The following IFT25 variants were observed in gnomAD, a reference collection of about 807,000 sequenced individuals.
IFT25 encodes intraflagellar transport 25.
chr1:53,922,615 T>C, the IFT25 span, among the ~76,000 whole-genome samples: 1 of 151,906 alleles, frequency 6.6e-6, no homozygotes, highest in Non-Finnish European at 1.5e-5. Flanking sequence ...TCTTAGAAAG[T>C]AAGAAAAAAG....
chr1:53,939,941 T>C, the IFT25 span: 1 of 1,083,752 alleles, frequency 9.2e-7, no homozygotes, highest in East Asian at 2.4e-5. Context: ...CTCAAGGGAT[T>C]CACCGATTTA....
the IFT25 span, among the ~76,000 whole-genome samples, chr1:53,935,625 AACT>A: frequency 2.0e-5 from 3 of 149,828 alleles, no homozygotes; most frequent in Non-Finnish European, 4.4e-5. Context: ...AAAAGGCCAG[AACT>A]ACTTTTTTTT....
the IFT25 span, among the ~76,000 whole-genome samples, chr1:53,943,404 C>T: frequency 4.6e-5 from 7 of 152,256 alleles, no homozygotes; most frequent in South Asian, 1.5e-3. Context: ...CAGTGGTTCT[C>T]AACTGGACTG....
the IFT25 span, chr1:53,929,657 A>C: frequency 6.3e-6 from 1 of 158,692 alleles, no homozygotes; most frequent in Non-Finnish European, 1.4e-5. Flanking sequence ...TTGACAAATA[A>C]CTCCAGGACA....
the IFT25 span, chr1:53,940,224 G>C: frequency 1.7e-6 from 1 of 594,350 alleles, no homozygotes. Context: ...CAACATGTGG[G>C]AGGGACTCTA....
At chr1:53,913,693 A>G in the IFT25 span, among the ~76,000 whole-genome samples, 330 of 152,310 alleles carry the variant, frequency 2.2e-3, 2 homozygotes, top group Middle Eastern at 0.01. Flanking sequence ...GCATATGTTG[A>G]AGATTTAACC....
At chr1:53,916,771 C>T in the IFT25 span, 1 of 388,582 alleles carries the variant, frequency 2.6e-6, no homozygotes, top group East Asian at 3.6e-5. Context: ...TTATGAATGA[C>T]TACTCACCTT....
the IFT25 span, among the ~76,000 whole-genome samples, chr1:53,922,072 C>G: frequency 6.6e-6 from 1 of 152,174 alleles, no homozygotes; most frequent in South Asian, 2.1e-4. Flanking sequence ...GGATTACAGG[C>G]ATGAGCTACC....
chr1:53,925,379 G>A, the IFT25 span, among the ~76,000 whole-genome samples: 8 of 151,550 alleles, frequency 5.3e-5, no homozygotes, highest in South Asian at 4.2e-4. Context: ...GAAAAATATC[G>A]GCTGGGCATG....
At chr1:53,924,922 C>T in the IFT25 span, among the ~76,000 whole-genome samples, 8 of 152,254 alleles carry the variant, frequency 5.3e-5, no homozygotes, top group South Asian at 2.1e-4. Flanking sequence ...GTAAAAGCCC[C>T]GTAGTATTAA....
the IFT25 span, among the ~76,000 whole-genome samples, chr1:53,936,642 A>T: frequency 6.6e-5 from 10 of 152,260 alleles, no homozygotes; most frequent in African/African-American, 2.2e-4. Context: ...TCAGTAACTG[A>T]GGCTCAAAGA....
the IFT25 span, among the ~76,000 whole-genome samples, chr1:53,932,077 C>T: frequency 3.3e-3 from 496 of 152,278 alleles, 1 homozygote; most frequent in African/African-American, 0.011. Flanking sequence ...TAAGGCCAGG[C>T]ATGGTGGCTC....
chr1:53,939,408 A>AG, the IFT25 span, among the ~76,000 whole-genome samples: 7 of 151,140 alleles, frequency 4.6e-5, no homozygotes, highest in African/African-American at 1.7e-4. Flanking sequence ...AAAAAAAAAA[A>AG]GGAGTCCTCC....
At chr1:53,921,660 A>C in the IFT25 span, 1 of 1,588,474 alleles carries the variant, frequency 6.3e-7, no homozygotes, top group Non-Finnish European at 8.6e-7. Flanking sequence ...ATTATGAGGA[A>C]AGATTTGAGA....
chr1:53,939,007 G>A, the IFT25 span, among the ~76,000 whole-genome samples: 1 of 145,846 alleles, frequency 6.9e-6, no homozygotes, highest in Non-Finnish European at 1.5e-5. Context: ...CTGGGAGGCA[G>A]AGGTTTTGGT....
chr1:53,945,442 T>C, the IFT25 span: 87 of 151,732 alleles, frequency 5.7e-4, 1 homozygote, highest in Admixed American at 8.5e-4. Context: ...GCGCGTCTCT[T>C]CACCACCCCT....
At chr1:53,941,184 G>A in the IFT25 span, among the ~76,000 whole-genome samples, 7 of 152,012 alleles carry the variant, frequency 4.6e-5, no homozygotes, top group Admixed American at 1.3e-4. Flanking sequence ...TAGTAGAGAC[G>A]GGGTTTCACC....
the IFT25 span, among the ~76,000 whole-genome samples, chr1:53,911,960 G>A: frequency 6.6e-6 from 1 of 152,044 alleles, no homozygotes; most frequent in Non-Finnish European, 1.5e-5. Context: ...CCCTTTTTTG[G>A]GGGGTTGGAG....
chr1:53,912,535 G>A, the IFT25 span, among the ~76,000 whole-genome samples: 1 of 152,182 alleles, frequency 6.6e-6, no homozygotes, highest in East Asian at 1.9e-4. Context: ...TGAGCTGGGT[G>A]AATCCAACAA....
Sources: allele counts gnomAD v4.1 joint callset (sites outside exome capture counted in the v4.1 genomes callset), GRCh38; gene constraint gnomAD v4.1.1; transcripts MANE v1.5; gene names NCBI Gene and HGNC (gene_info 2026-07-23, HGNC 2026-07-21).